CNTNAP5: variants seen among roughly 807,000 people sequenced by gnomAD.
The protein encoded by CNTNAP5 is contactin-associated protein-like 5.
CNTNAP5 carries 72 observed loss-of-function variants against 150.2 expected under a neutral mutation model. That is an observed-to-expected ratio of 0.48 (90% CI 0.40 to 0.58). The LOEUF is 0.58. Among genes scored for constraint, CNTNAP5 ranks in the 20% least tolerant of loss-of-function variants. The pLI, the probability that CNTNAP5 is intolerant of heterozygous loss-of-function variation, is 0.00. For synonymous variants in CNTNAP5, 672 were observed against 619.8 expected, an observed-to-expected ratio of 1.08 and a Z score of -1.25; for missense variants, 1,636 against 1,626.2, an observed-to-expected ratio of 1.01 and a Z score of -0.10.
intron 5 of CNTNAP5, among the ~76,000 whole-genome samples, chr2:124,441,577 A>G (rs559042837): frequency 6.6e-6 from 1 of 152,154 alleles, no homozygotes; most frequent in Non-Finnish European, 1.5e-5. Context: ...CAAAAAGGGC[A>G]GTCACTACTG....
At chr2:124,227,191 C>T (rs1205388691) in intron 2 of CNTNAP5, among the ~76,000 whole-genome samples, 2 of 152,154 alleles carry the variant, frequency 1.3e-5, no homozygotes, top group Non-Finnish European at 2.9e-5. Flanking sequence ...TTGTTCAATA[C>T]ACTGAGCCAT....
chr2:124,826,578 C>T (rs1213671911), intron 19 of CNTNAP5, among the ~76,000 whole-genome samples: 1 of 152,114 alleles, frequency 6.6e-6, no homozygotes, highest in Non-Finnish European at 1.5e-5. Flanking sequence ...AAAGTGTGGT[C>T]TCTGGACCAA....
intron 3 of CNTNAP5, among the ~76,000 whole-genome samples, chr2:124,376,541 C>G (rs1402527253): frequency 6.6e-6 from 1 of 151,888 alleles, no homozygotes; most frequent in Non-Finnish European, 1.5e-5. Context: ...TACCAGGATG[C>G]TTGACATTAC....
At chr2:124,083,177 G>A (rs1217329639) in intron 1 of CNTNAP5, among the ~76,000 whole-genome samples, 2 of 152,048 alleles carry the variant, frequency 1.3e-5, no homozygotes, top group African/African-American at 2.4e-5. Context: ...ACGAAACCCC[G>A]TCTCTACTAA....
chr2:124,047,978 C>T (rs772799544), intron 1 of CNTNAP5, among the ~76,000 whole-genome samples: 10 of 152,204 alleles, frequency 6.6e-5, no homozygotes, highest in East Asian at 5.8e-4. Flanking sequence ...CACATGCACA[C>T]GCACACACAC....
intron 3 of CNTNAP5, among the ~76,000 whole-genome samples, chr2:124,309,953 T>C (rs1165350793): frequency 6.6e-6 from 1 of 152,166 alleles, no homozygotes; most frequent in African/African-American, 2.4e-5. Context: ...ATTTGTTGGG[T>C]TAATCAGCAA....
At chr2:124,255,524 AAAAATAAAATAAAATAAAAT>A (rs202068928) in intron 3 of CNTNAP5, among the ~76,000 whole-genome samples, 1,450 of 132,134 alleles carry the variant, frequency 0.011, 23 homozygotes, top group African/African-American at 0.034. Context: ...ACTCTGTCTC[AAAAATAAAATAAAATAAAAT>A]AAAATAAAAT....
At chr2:124,698,865 CCA>C (rs1458105476) in intron 13 of CNTNAP5, among the ~76,000 whole-genome samples, 1 of 152,100 alleles carries the variant, frequency 6.6e-6, no homozygotes, top group Non-Finnish European at 1.5e-5. Context: ...TGCCCTCTTT[CCA>C]CAGAGGGACA....
intron 18 of CNTNAP5, 22 bp from the exon 19 acceptor site, chr2:124,798,074 T>A: frequency 6.4e-7 from 1 of 1,564,314 alleles, no homozygotes; most frequent in Non-Finnish European, 8.7e-7. Flanking sequence ...CAATGTGTGC[T>A]CTCCCCTCTT....
intron 12 of CNTNAP5, among the ~76,000 whole-genome samples, chr2:124,636,478 T>A (rs1331232872): frequency 6.6e-6 from 1 of 152,152 alleles, no homozygotes; most frequent in Non-Finnish European, 1.5e-5. Context: ...CCTGACACAA[T>A]GAAAGCACTC....
At chr2:124,344,115 T>G (rs368579418) in intron 3 of CNTNAP5, among the ~76,000 whole-genome samples, 5 of 152,252 alleles carry the variant, frequency 3.3e-5, no homozygotes, top group East Asian at 1.9e-4. Context: ...CACCTCCCAA[T>G]GCAAACACAT....
chr2:124,025,860 C>T, intron 1 of CNTNAP5, 128 bp downstream of exon 1: 1 of 800,874 alleles, frequency 1.2e-6, no homozygotes, highest in Non-Finnish European at 2.1e-6. Flanking sequence ...AAATGCTGAT[C>T]AGTGTGGTTC....
chr2:124,057,136 T>A (rs1681872310), intron 1 of CNTNAP5, among the ~76,000 whole-genome samples: 1 of 152,144 alleles, frequency 6.6e-6, no homozygotes. Context: ...GGAATGCCCG[T>A]TTTGGGCTCA....
intron 1 of CNTNAP5, among the ~76,000 whole-genome samples, chr2:124,180,131 G>T (rs1042996873): frequency 2.0e-5 from 3 of 152,186 alleles, no homozygotes; most frequent in African/African-American, 7.2e-5. Context: ...GTGTTTTCTG[G>T]TGGCTTACAA....
intron 21 of CNTNAP5, among the ~76,000 whole-genome samples, chr2:124,881,374 A>G (rs967350021): frequency 6.6e-6 from 1 of 152,052 alleles, no homozygotes; most frequent in African/African-American, 2.4e-5. Flanking sequence ...CAGAGTACCC[A>G]GGGAAGGAAT....
intron 13 of CNTNAP5, among the ~76,000 whole-genome samples, chr2:124,679,550 T>C (rs1679018424): frequency 6.6e-6 from 1 of 151,656 alleles, no homozygotes; most frequent in Non-Finnish European, 1.5e-5. Context: ...GAACCCAAAA[T>C]GCTGGCTAAT....
chr2:124,459,699 A>C (rs1439407119), intron 6 of CNTNAP5, among the ~76,000 whole-genome samples: 1 of 147,508 alleles, frequency 6.8e-6, no homozygotes, highest in African/African-American at 2.5e-5. Flanking sequence ...TGGAGGTTGT[A>C]GTGACTCGAG....
At chr2:124,558,334 C>G (rs549404101) in intron 10 of CNTNAP5, among the ~76,000 whole-genome samples, 13 of 152,136 alleles carry the variant, frequency 8.5e-5, no homozygotes, top group African/African-American at 3.1e-4. Context: ...AGTTTAAGAA[C>G]CTGGGTACTA....
At position 124,527,249 on chromosome 2, in the gene CNTNAP5, C is replaced by T. The variant is rs759836169; in HGVS notation, c.1478-36C>T. ...TCGCCAAAGCAATGACGGATCATTT[C>T]AGCATTCTTCTTCATCTTTTTTCTC... On this transcript the variant is annotated intron_variant, in intron 9 of 23. Coordinates refer to ENST00000682447, the MANE Select transcript of CNTNAP5 (RefSeq NM_001367498.1). 3.6e-5 allele frequency: 57 copies of T among 1,588,262 alleles called. 1 individual carries two copies. In the Middle Eastern group the frequency reaches 5.9e-4, roughly 16 times the overall value.
Sources: gnomAD v4.1 joint callset for allele counts (sites outside exome capture counted in the v4.1 genomes callset) on GRCh38, gnomAD v4.1.1 for gene constraint, MANE v1.5 for transcripts, NCBI Gene and HGNC (gene_info 2026-07-23, HGNC 2026-07-21) for gene names.